The following RALYL variants were observed in gnomAD, a reference collection of about 807,000 sequenced individuals.
RALYL encodes the protein RNA-binding Raly-like protein.
A neutral mutation model predicts 35.1 loss-of-function variants in RALYL; 29 were observed. The observed-to-expected ratio is 0.83, with a 90% CI of 0.61 to 1.13. RALYL has a LOEUF of 1.13. Among genes scored for constraint, RALYL ranks in the 50% most tolerant of loss-of-function variants. The pLI, the probability that RALYL is intolerant of heterozygous loss-of-function variation, is 0.00. For missense variants in RALYL, 359 were observed against 360.4 expected (o/e 1.00, Z 0.03); for synonymous variants, 120 against 127.6 (o/e 0.94, Z 0.40).
chr8:84,903,647 T>C (rs1358473774), intron 8 of RALYL, among the ~76,000 whole-genome samples: 1 of 152,176 alleles, frequency 6.6e-6, no homozygotes, highest in African/African-American at 2.4e-5. Flanking sequence ...GGTTCTTAAA[T>C]AGCCTTGCAC....
intron 2 of RALYL, among the ~76,000 whole-genome samples, chr8:84,773,365 A>G (rs1230689983): frequency 6.6e-6 from 1 of 152,228 alleles, no homozygotes; most frequent in Non-Finnish European, 1.5e-5. Flanking sequence ...TGCAAGAAAT[A>G]GAAGTTTTCC....
At chr8:84,251,669 G>T in intron 1 of RALYL, among the ~76,000 whole-genome samples, 1 of 152,080 alleles carries the variant, frequency 6.6e-6, no homozygotes, top group Non-Finnish European at 1.5e-5. Flanking sequence ...ACTGCATATA[G>T]TTGATTTTTA....
At chr8:84,459,395 C>A (rs1447564380) in intron 1 of RALYL, among the ~76,000 whole-genome samples, 1 of 151,704 alleles carries the variant, frequency 6.6e-6, no homozygotes, top group Admixed American at 6.6e-5. Context: ...CAAACATGGT[C>A]AATCAGGGAA....
intron 2 of RALYL, among the ~76,000 whole-genome samples, chr8:84,558,122 T>C (rs941288015): frequency 6.6e-6 from 1 of 152,198 alleles, no homozygotes; most frequent in African/African-American, 2.4e-5. Flanking sequence ...TAGTTTCACA[T>C]TTATATGTAT....
intron 2 of RALYL, among the ~76,000 whole-genome samples, chr8:84,646,868 C>T (rs1827613955): frequency 6.6e-6 from 1 of 152,062 alleles, no homozygotes. Context: ...GACCTGTGTT[C>T]AGCATTTTGG....
chr8:84,486,308 C>A (rs2054621182), intron 1 of RALYL, among the ~76,000 whole-genome samples: 1 of 149,200 alleles, frequency 6.7e-6, no homozygotes, highest in African/African-American at 2.4e-5. Flanking sequence ...TAAAAATATT[C>A]TTAGAAAAGC....
intron 1 of RALYL, among the ~76,000 whole-genome samples, chr8:84,492,799 A>G (rs1339508585): frequency 4.6e-5 from 7 of 152,214 alleles, no homozygotes; most frequent in Non-Finnish European, 1.5e-5. Context: ...TATATTTGTC[A>G]TTATGGTTGT....
intron 4 of RALYL, among the ~76,000 whole-genome samples, chr8:84,809,677 C>T (rs1411829402): frequency 6.6e-6 from 1 of 151,980 alleles, no homozygotes; most frequent in Non-Finnish European, 1.5e-5. Flanking sequence ...TTGGTCTGTT[C>T]AGGGTATCTA....
At chr8:84,647,002 T>C (rs1311260869) in intron 2 of RALYL, among the ~76,000 whole-genome samples, 1 of 152,212 alleles carries the variant, frequency 6.6e-6, no homozygotes, top group South Asian at 2.1e-4. Context: ...CCACAGGCAA[T>C]GGAAATACTT....
chr8:84,772,893 G>C (rs1175180174), intron 2 of RALYL, among the ~76,000 whole-genome samples: 1 of 152,016 alleles, frequency 6.6e-6, no homozygotes, highest in Non-Finnish European at 1.5e-5. Context: ...TAAATTATCT[G>C]ATCTTAAAGC....
intron 2 of RALYL, among the ~76,000 whole-genome samples, chr8:84,562,116 A>G (rs2061501260): frequency 6.6e-6 from 1 of 151,972 alleles, no homozygotes; most frequent in East Asian, 1.9e-4. Context: ...TTAAAAATGC[A>G]AACTCAGTAG....
At chr8:84,268,821 A>C (rs1833787679) in intron 1 of RALYL, among the ~76,000 whole-genome samples, 1 of 152,244 alleles carries the variant, frequency 6.6e-6, no homozygotes, top group Non-Finnish European at 1.5e-5. Context: ...TCCCGTATTT[A>C]ATAAATGTTC....
intron 2 of RALYL, among the ~76,000 whole-genome samples, chr8:84,744,994 G>T (rs927866052): frequency 2.0e-5 from 3 of 151,674 alleles, no homozygotes; most frequent in Admixed American, 2.0e-4. Flanking sequence ...AAAAACATTA[G>T]TTGAGCACAA....
At chr8:84,219,819 T>C (rs190088641) in intron 1 of RALYL, among the ~76,000 whole-genome samples, 1 of 151,940 alleles carries the variant, frequency 6.6e-6, no homozygotes, top group African/African-American at 2.4e-5. Context: ...AAGCAGAAAA[T>C]TACTGCTTTT....
At chr8:84,425,783 C>CTGTGTG (rs1554662152) in intron 1 of RALYL, among the ~76,000 whole-genome samples, 149 of 144,596 alleles carry the variant, frequency 1.0e-3, no homozygotes, top group Middle Eastern at 3.5e-3. Flanking sequence ...AGTTTTTCTT[C>CTGTGTG]TGTGTGTGTG....
At chr8:84,267,870 C>A (rs1303481662) in intron 1 of RALYL, among the ~76,000 whole-genome samples, 2 of 152,090 alleles carry the variant, frequency 1.3e-5, no homozygotes, top group Non-Finnish European at 2.9e-5. Context: ...CCTATCACTG[C>A]AATTGAAATC....
chr8:84,373,052 G>A (rs1223720143), intron 1 of RALYL, among the ~76,000 whole-genome samples: 1 of 150,972 alleles, frequency 6.6e-6, no homozygotes, highest in African/African-American at 2.4e-5. Context: ...CTTTTCAGAA[G>A]TATCTGTTCA....
At chr8:84,205,881 C>T in intron 1 of RALYL, among the ~76,000 whole-genome samples, 1 of 152,144 alleles carries the variant, frequency 6.6e-6, no homozygotes, top group South Asian at 2.1e-4. Context: ...TGGCCAAGAT[C>T]AAGGTGTTGC....
At chr8:84,474,315 T>G (rs1161543572) in intron 1 of RALYL, among the ~76,000 whole-genome samples, 1 of 152,204 alleles carries the variant, frequency 6.6e-6, no homozygotes, top group East Asian at 1.9e-4. Flanking sequence ...CAAAAGGTCA[T>G]ATTGTCATTT....
Sources: allele counts gnomAD v4.1 joint callset (sites outside exome capture counted in the v4.1 genomes callset), GRCh38; gene constraint gnomAD v4.1.1; transcripts MANE v1.5; gene names NCBI Gene and HGNC (gene_info 2026-07-23, HGNC 2026-07-21).